Variants in STARD13 observed in about 807,000 individuals in gnomAD.
The protein encoded by STARD13 is StAR related lipid transfer domain containing 13.
Under a neutral mutation model 106.4 loss-of-function variants are expected in STARD13, and 62 were observed. The observed-to-expected ratio is 0.58, with a 90% CI of 0.48 to 0.72. STARD13 has a LOEUF of 0.72. STARD13 is among the 30% of genes least tolerant of loss of function. The pLI, the probability that STARD13 is intolerant of heterozygous loss-of-function variation, is 0.00. For synonymous variants in STARD13, 565 were observed against 553.0 expected (o/e 1.02, Z -0.31); for missense variants, 1,387 against 1,424.0 (o/e 0.97, Z 0.42).
the STARD13 span, among the ~76,000 whole-genome samples, chr13:33,499,614 TTCTTCTTCTTCTTCTTCTTC>T: frequency 8.9e-5 from 7 of 79,002 alleles, no homozygotes; most frequent in African/African-American, 3.3e-4. Flanking sequence ...TTTCTTCTTC[TTCTTCTTCTTCTTCTTCTTC>T]TTCTTCTTCT....
intron 1 of STARD13, among the ~76,000 whole-genome samples, chr13:33,322,377 G>A (rs1422566200): frequency 2.0e-5 from 3 of 152,150 alleles, no homozygotes; most frequent in Non-Finnish European, 2.9e-5. Context: ...TTTCACTGTC[G>A]TTTGTACCGT....
rs1247597032 is a variant in STARD13 at position 33,104,929 on chromosome 13, T to A, written c.*664A>T. The stretch of plus-strand genomic sequence containing the variant: ...TAAGGAGGAGTAATTATTATTTCCT[T>A]GCTTTATCCCAGATCTCCACTCTCA... On this transcript the variant is annotated 3_prime_UTR_variant, in exon 14 of 14. Coordinates refer to ENST00000336934, the MANE Select transcript of STARD13 (RefSeq NM_178006.4). 1 of 153,014 alleles carries A rather than the reference T, an allele frequency of 6.5e-6. No individual in the cohort carries two copies. Among genetic ancestry groups the A allele is most frequent in the Admixed American group, 6.6e-5 (1 of 15,260 alleles). 9.5% of individuals were successfully genotyped at this position (153,014 alleles called of 1,614,324 possible).
At chr13:33,282,450 G>A (rs540415905) in intron 1 of STARD13, among the ~76,000 whole-genome samples, 2 of 152,182 alleles carry the variant, frequency 1.3e-5, no homozygotes, top group African/African-American at 4.8e-5. Context: ...CTCCCCATGA[G>A]TGTATCTGCT....
At chr13:33,499,627 T>TCTTCTTCTTCTTCTTCTTCTC in the STARD13 span, among the ~76,000 whole-genome samples, 1 of 113,488 alleles carries the variant, frequency 8.8e-6, no homozygotes, top group African/African-American at 5.2e-5. Context: ...TTCTTCTTCT[T>TCTTCTTCTTCTTCTTCTTCTC]CTTCTTCTTC....
chr13:33,472,616 T>C, the STARD13 span, among the ~76,000 whole-genome samples: 1 of 152,066 alleles, frequency 6.6e-6, no homozygotes, highest in South Asian at 2.1e-4. Flanking sequence ...AATTGCTGCA[T>C]TAAGAATCAC....
At chr13:33,355,366 G>A (rs145389846), upstream of STARD13, 58 of 152,266 alleles carry the variant, frequency 3.8e-4, no homozygotes, top group African/African-American at 1.3e-3. Flanking sequence ...CACATTCCAC[G>A]GTCTGCTTGC....
chr13:33,293,349 GAATA>G (rs1016882915), intron 1 of STARD13, among the ~76,000 whole-genome samples: 7 of 152,112 alleles, frequency 4.6e-5, no homozygotes, highest in African/African-American at 1.7e-4. Flanking sequence ...CAAATTGATT[GAATA>G]AATAATTGAA....
At chr13:33,165,481 C>CAGATA in intron 2 of STARD13, 63 bp from the exon 3 acceptor site, 1 of 1,255,322 alleles carries the variant, frequency 8.0e-7, no homozygotes, top group Non-Finnish European at 1.2e-6. Context: ...CCAACATATT[C>CAGATA]AGACCTTCAA....
intron 1 of STARD13, among the ~76,000 whole-genome samples, chr13:33,264,873 C>G (rs1454586646): frequency 6.6e-6 from 1 of 152,166 alleles, no homozygotes; most frequent in Non-Finnish European, 1.5e-5. Context: ...CTCTGCCCAT[C>G]TTGACCCCTA....
chr13:33,401,837 A>AT, the STARD13 span, among the ~76,000 whole-genome samples: 2 of 152,152 alleles, frequency 1.3e-5, 1 homozygote, highest in South Asian at 4.1e-4. Context: ...ATGCTCTTAT[A>AT]TTTTTTCCCA....
At chr13:33,195,435 T>A (rs1410763566) in intron 1 of STARD13, among the ~76,000 whole-genome samples, 4 of 152,228 alleles carry the variant, frequency 2.6e-5, no homozygotes. Flanking sequence ...CTCAGGAGAC[T>A]GTCCTGTAAT....
At chr13:33,470,498 C>CAAGGTTGA in the STARD13 span, among the ~76,000 whole-genome samples, 181 of 152,304 alleles carry the variant, frequency 1.2e-3, no homozygotes, top group Non-Finnish European at 2.0e-3. Context: ...GGAATCGCCA[C>CAAGGTTGA]ACTGTCTTCC....
At chr13:33,598,886 A>C in the STARD13 span, among the ~76,000 whole-genome samples, 1 of 152,248 alleles carries the variant, frequency 6.6e-6, no homozygotes, top group Non-Finnish European at 1.5e-5. Context: ...AGAAGACAGT[A>C]GGCTCTCCTT....
intron 1 of STARD13, among the ~76,000 whole-genome samples, chr13:33,178,597 T>G (rs914150035): frequency 6.6e-6 from 1 of 152,196 alleles, no homozygotes; most frequent in African/African-American, 2.4e-5. Context: ...AGGGATATCT[T>G]AAACTAACAG....
chr13:33,432,079 C>T, the STARD13 span, among the ~76,000 whole-genome samples: 2 of 151,830 alleles, frequency 1.3e-5, no homozygotes, highest in African/African-American at 2.4e-5. Context: ...AGGATATGCT[C>T]AAGGAAAAAT....
the STARD13 span, among the ~76,000 whole-genome samples, chr13:33,627,506 G>A: frequency 2.0e-5 from 3 of 152,016 alleles, no homozygotes; most frequent in South Asian, 4.2e-4. Context: ...GTGCGGTGGC[G>A]GGCACCTGTA....
intron 1 of STARD13, among the ~76,000 whole-genome samples, chr13:33,349,778 T>TC (rs879614049): frequency 4.7e-4 from 72 of 151,950 alleles, no homozygotes; most frequent in Non-Finnish European, 6.0e-4. Flanking sequence ...TCCCGTCACA[T>TC]CCCCCCCTCT....
chr13:33,219,788 G>A (rs1888248111), intron 1 of STARD13, among the ~76,000 whole-genome samples: 1 of 103,060 alleles, frequency 9.7e-6, no homozygotes, highest in Non-Finnish European at 2.0e-5. Flanking sequence ...GGGCGACAAA[G>A]CAAAATCCTG....
the STARD13 span, among the ~76,000 whole-genome samples, chr13:33,535,609 C>T: frequency 6.6e-6 from 1 of 152,054 alleles, no homozygotes; most frequent in South Asian, 2.1e-4. Context: ...ATAACAAAGG[C>T]CTGCTCCAAA....
Sources: gnomAD v4.1 joint callset for allele counts (sites outside exome capture counted in the v4.1 genomes callset) on GRCh38, gnomAD v4.1.1 for gene constraint, MANE v1.5 for transcripts, NCBI Gene and HGNC (gene_info 2026-07-23, HGNC 2026-07-21) for gene names.